Variants in SLBP observed in about 807,000 individuals in gnomAD.
The protein encoded by SLBP is histone RNA hairpin-binding protein.
SLBP carries 29 observed loss-of-function variants against 39.2 expected under a neutral mutation model. The ratio of observed to expected loss-of-function variants is 0.74; its 90% CI spans 0.55 to 1.01. SLBP has a LOEUF of 1.01. SLBP is among the 50% of genes least tolerant of loss of function. The pLI, the probability that SLBP is intolerant of heterozygous loss-of-function variation, is 0.00. For synonymous variants in SLBP, 129 were observed against 118.7 expected (o/e 1.09, Z -0.57); for missense variants, 390 against 350.2 (o/e 1.11, Z -0.91).
chr4:1,711,688 A>T (rs560847333), intron 2 of SLBP, among the ~76,000 whole-genome samples, 186 bp downstream of exon 2: 1 of 152,312 alleles, frequency 6.6e-6, no homozygotes, highest in East Asian at 1.9e-4. Context: ...AGGCTTCCGG[A>T]GTGTTCCAGC....
In SLBP at chr4:1,711,879, G is replaced by C; in HGVS notation, c.171C>G (p.Pro57=). The change falls in exon 2 of 8, where the codon CCC becomes CCG. Residue 57 remains proline, a synonymous_variant. Transcript: ENST00000489418. Reference sequence around the variant, plus strand: ...CCCCCGGGTCCCGCGCCCACCTCTCGGGTCTGCGCTCGGCGCCGCGGTGCT... The same window carrying C: ...CCCCCGGGTCCCGCGCCCACCTCTCCGGTCTGCGCTCGGCGCCGCGGTGCT... ...EAEHRGAERR[P]ESFTTPEGPK... is the part of the protein sequence containing the mutation. 4 of 1,344,582 alleles carry C rather than the reference G, an allele frequency of 3.0e-6. No homozygotes were observed. The highest frequency in any genetic ancestry group is 1.5e-5 in the African/African-American group (1 of 65,452). The allele number at this position is 1,344,582 out of a possible 1,614,324, so 83.3% of individuals were successfully genotyped here.
intron 5 of SLBP, among the ~76,000 whole-genome samples, chr4:1,698,404 A>G (rs1344370794): frequency 2.7e-5 from 2 of 73,504 alleles, no homozygotes; most frequent in African/African-American, 6.7e-5. Flanking sequence ...AGACTCGGTC[A>G]GGAGGGAAAA....
rs748335701 is a variant in SLBP at position 1,699,733 on chromosome 4, CT to C, written c.342-33del. 2.2e-5 allele frequency: 35 copies of C among 1,604,868 alleles called. No individual in the cohort carries two copies. The East Asian group carries it at 7.6e-4, about 35-fold the overall frequency. On this transcript the variant is annotated intron_variant, in intron 4 of 7. Transcript: ENST00000489418. ...AAACAACAGATTAACAGAATAAGCCCTGCAATTAAGATCACCATGTATGTAA... is the reference window on the plus strand; with the variant it reads ...AAACAACAGATTAACAGAATAAGCCCGCAATTAAGATCACCATGTATGTAA...
Position 1,712,300 on chromosome 4 carries a change from CG to C in SLBP, c.-113del. On this transcript the variant is annotated 5_prime_UTR_variant, in exon 1 of 8. Transcript: ENST00000489418. ...CCTGAGGCAGAAACCCGCGTCCCCG[CG>C]CCGGCGCTCACGAGCTCTGCGCGCC... 1 of 633,132 alleles carries C rather than the reference CG, an allele frequency of 1.6e-6. No individual in the cohort carries two copies. The highest frequency in any genetic ancestry group is 3.0e-5 in the South Asian group (1 of 33,426). 39.2% of individuals were successfully genotyped at this position (633,132 alleles called of 1,614,324 possible).
chr4:1,712,126 T>G lies in SLBP; in HGVS notation c.59+4A>C. Reference sequence around the variant, plus strand: ...CCCTCGCCCGCCGCGCAGCCCGGCCTCACCTGGCGTCACCGTCGCAGCGGC... The same window carrying G: ...CCCTCGCCCGCCGCGCAGCCCGGCCGCACCTGGCGTCACCGTCGCAGCGGC... On this transcript the variant is annotated splice_donor_region_variant and intron_variant, in intron 1 of 7. Coordinates refer to ENST00000489418, the MANE Select transcript of SLBP (RefSeq NM_006527.4). 8.1e-7 allele frequency: 1 copy of G among 1,227,316 alleles called. No individual in the cohort carries two copies. The highest frequency in any genetic ancestry group is 1.0e-6 in the Non-Finnish European group (1 of 985,518). The allele number at this position is 1,227,316 out of a possible 1,614,324, so 76.0% of individuals were successfully genotyped here.
intron 7 of SLBP, among the ~76,000 whole-genome samples, chr4:1,694,243 C>T (rs538716538): frequency 6.6e-6 from 1 of 152,196 alleles, no homozygotes; most frequent in South Asian, 2.1e-4. Flanking sequence ...TGACCACACC[C>T]AGCTAGTTTT....
chr4:1,706,339 A>G (rs544386617), intron 2 of SLBP, among the ~76,000 whole-genome samples: 9 of 152,324 alleles, frequency 5.9e-5, no homozygotes, highest in African/African-American at 2.2e-4. Flanking sequence ...GGCGCATGTA[A>G]TTAATAATTC....
At chr4:1,696,795 G>A (rs1471028211) in intron 5 of SLBP, among the ~76,000 whole-genome samples, 1 of 151,840 alleles carries the variant, frequency 6.6e-6, no homozygotes, top group East Asian at 1.9e-4. Context: ...CTATTAGGGG[G>A]CTGAGGGAGG....
intron 2 of SLBP, among the ~76,000 whole-genome samples, chr4:1,708,615 G>C (rs1454373568): frequency 6.6e-6 from 1 of 152,172 alleles, no homozygotes; most frequent in Non-Finnish European, 1.5e-5. Flanking sequence ...ATAATTTAAA[G>C]CCTGTGTATG....
chr4:1,711,877 T>A lies in SLBP; in HGVS notation c.173A>T (p.Glu58Val). ...AEHRGAERRP[E>V]SFTTPEGPKP... ...GACCCCCGGGTCCCGCGCCCACCTC[T>A]CGGGTCTGCGCTCGGCGCCGCGGTG... Residue 58 changes from glutamate to valine, a missense_variant, in exon 2 of 8, where the codon GAG becomes GTG. Glu to Val is a moderately radical substitution (Grantham distance 121). Transcript: ENST00000489418. The A allele has an allele frequency of 2.2e-6, 3 of 1,342,878 alleles. No homozygotes were observed. Among genetic ancestry groups the A allele is most frequent in the Non-Finnish European group, 2.9e-6 (3 of 1,046,542 alleles). The allele number at this position is 1,342,878 out of a possible 1,614,324, so 83.2% of individuals were successfully genotyped here.
Position 1,699,994 on chromosome 4 carries a change from A to C in SLBP, c.341+17T>G, listed in dbSNP as rs375473112. On this transcript the variant is annotated intron_variant, in intron 4 of 7. Coordinates refer to ENST00000489418, the MANE Select transcript of SLBP (RefSeq NM_006527.4). The stretch of plus-strand genomic sequence containing the variant: ...AGGTCTATCAAATTAGAAAAGAAAC[A>C]TTTACACAGCCTTTACCTTCCTGAT... The C allele has an allele frequency of 6.5e-7, 1 of 1,550,026 alleles. No homozygotes were observed. The highest frequency in any genetic ancestry group is 2.2e-5 in the East Asian group (1 of 44,510).
intron 2 of SLBP, among the ~76,000 whole-genome samples, chr4:1,711,231 C>T (rs887902560): frequency 2.5e-4 from 38 of 151,958 alleles, no homozygotes; most frequent in South Asian, 8.3e-4. Flanking sequence ...AAGCCTATCC[C>T]GAACCACGCA....
At chr4:1,703,928 A>G (rs952151470) in intron 2 of SLBP, among the ~76,000 whole-genome samples, 24 of 152,182 alleles carry the variant, frequency 1.6e-4, no homozygotes, top group Admixed American at 7.2e-4. Flanking sequence ...TAAAAGCATT[A>G]TATCAGTGAA....
chr4:1,697,055 G>A (rs1222216440), intron 5 of SLBP, among the ~76,000 whole-genome samples: 3 of 151,096 alleles, frequency 2.0e-5, no homozygotes, highest in Non-Finnish European at 1.5e-5. Flanking sequence ...CTACTCCAGC[G>A]GCTGAGGCAG....
chr4:1,696,986 A>G (rs1716131981), intron 5 of SLBP, among the ~76,000 whole-genome samples: 1 of 151,096 alleles, frequency 6.6e-6, no homozygotes, highest in African/African-American at 2.4e-5. Flanking sequence ...ATGAAACCTC[A>G]TCTCTACTAA....
rs560781279 is a variant in SLBP, at chr4:1,712,270, C to G, written c.-82G>C. 64 of 900,778 alleles carry G rather than the reference C, an allele frequency of 7.1e-5. No homozygotes were observed. The highest frequency in any genetic ancestry group is 8.3e-5 in the Non-Finnish European group (55 of 664,316). The allele number at this position is 900,778 out of a possible 1,614,324, so 55.8% of individuals were successfully genotyped here. On this transcript the variant is annotated 5_prime_UTR_variant, in exon 1 of 8. Coordinates refer to ENST00000489418, the MANE Select transcript of SLBP (RefSeq NM_006527.4). ...GCAGAGAGCGCAGAGTAGAGCAGGG[C>G]AGGGCCTGAGGCAGAAACCCGCGTC...
intron 2 of SLBP, among the ~76,000 whole-genome samples, chr4:1,706,992 G>A (rs1716543953): frequency 6.6e-6 from 1 of 151,612 alleles, no homozygotes; most frequent in Non-Finnish European, 1.5e-5. Context: ...GGCCGAGGCG[G>A]GTGGATCATG....
chr4:1,701,132 A>T (rs1023961601), intron 3 of SLBP, among the ~76,000 whole-genome samples: 30 of 138,466 alleles, frequency 2.2e-4, no homozygotes, highest in Non-Finnish European at 4.1e-4. Flanking sequence ...ATGAAAATCC[A>T]TTTTCTTTTT....
At chr4:1,706,080 T>C (rs968253335) in intron 2 of SLBP, among the ~76,000 whole-genome samples, 3 of 151,776 alleles carry the variant, frequency 2.0e-5, no homozygotes, top group African/African-American at 7.3e-5. Flanking sequence ...AGGTAAGGAG[T>C]TTGAGACCAG....
Sources: allele counts gnomAD v4.1 joint callset (sites outside exome capture counted in the v4.1 genomes callset), GRCh38; gene constraint gnomAD v4.1.1; transcripts MANE v1.5; gene names NCBI Gene and HGNC (gene_info 2026-07-23, HGNC 2026-07-21).